The following CSMD3 variants were observed in gnomAD, a reference collection of about 807,000 sequenced individuals.
CSMD3 encodes the protein CUB and Sushi multiple domains 3, also known as CUB and sushi domain-containing protein 3.
Under a neutral mutation model 435.2 loss-of-function variants are expected in CSMD3, and 177 were observed. The ratio of observed to expected loss-of-function variants is 0.41; its 90% CI spans 0.36 to 0.46. CSMD3 has a LOEUF of 0.46. Ranked by LOEUF, CSMD3 falls within the 20% of genes least tolerant of loss-of-function variation. CSMD3 has a pLI of 0.34. For missense variants in CSMD3, 4,265 were observed against 4,504.6 expected, an observed-to-expected ratio of 0.95 and a Z score of 1.52; for synonymous variants, 1,656 against 1,520.5, an observed-to-expected ratio of 1.09 and a Z score of -2.07.
chr8:113,126,623 A>G (rs1337746458), intron 4 of CSMD3, among the ~76,000 whole-genome samples: 1 of 151,990 alleles, frequency 6.6e-6, no homozygotes, highest in African/African-American at 2.4e-5. Context: ...TCCAGGAAAT[A>G]GTATCGTAGA....
intron 4 of CSMD3, among the ~76,000 whole-genome samples, chr8:113,104,189 G>A (rs1407610350): frequency 6.6e-6 from 1 of 152,090 alleles, no homozygotes; most frequent in Non-Finnish European, 1.5e-5. Flanking sequence ...TCATCAAAGA[G>A]AAATGAACTG....
At chr8:112,509,135 GCT>G (rs1408788530) in intron 28 of CSMD3, among the ~76,000 whole-genome samples, 4 of 146,766 alleles carry the variant, frequency 2.7e-5, no homozygotes, top group Non-Finnish European at 4.5e-5. Flanking sequence ...GGCCCAGGCT[GCT>G]GGAGTGCAGT....
intron 10 of CSMD3, among the ~76,000 whole-genome samples, chr8:112,897,694 C>CTCTGTGTG (rs1277884675): frequency 1.1e-5 from 1 of 90,964 alleles, no homozygotes; most frequent in African/African-American, 4.4e-5. Flanking sequence ...CTCTCTCTCT[C>CTCTGTGTG]TGTGTGTGTG....
chr8:112,287,355 G>A, intron 57 of CSMD3, 109 bp from the exon 58 acceptor site: 2 of 932,160 alleles, frequency 2.1e-6, no homozygotes, highest in Non-Finnish European at 3.5e-6. Flanking sequence ...CGGTGTTTTA[G>A]CACAGATGGA....
intron 41 of CSMD3, among the ~76,000 whole-genome samples, chr8:112,344,810 TG>T (rs1407912592): frequency 6.6e-6 from 1 of 152,138 alleles, no homozygotes; most frequent in African/African-American, 2.4e-5. Context: ...ACATTAAAAT[TG>T]GGAAGGTATT....
At chr8:112,403,931 TG>T (rs1038127952) in intron 35 of CSMD3, among the ~76,000 whole-genome samples, 1 of 152,206 alleles carries the variant, frequency 6.6e-6, no homozygotes, top group Non-Finnish European at 1.5e-5. Context: ...AATTATTTTT[TG>T]TAAGTGTTCA....
At chr8:112,799,316 C>G (rs1275535401) in intron 13 of CSMD3, among the ~76,000 whole-genome samples, 1 of 151,678 alleles carries the variant, frequency 6.6e-6, no homozygotes, top group African/African-American at 2.4e-5. Flanking sequence ...AGAGAAAATT[C>G]TAATTGAAAA....
rs71309768 is a variant in CSMD3 at position 112,405,214 on chromosome 8, CATATATATATATATAT to C, written c.5809+1294_5809+1309del. On this transcript the variant is annotated intron_variant, in intron 35 of 70. Transcript: ENST00000297405. The stretch of plus-strand genomic sequence containing the variant: ...AAAAAAAAAAAAAAAAAAAAACCCC[CATATATATATATATAT>C]ATATATATATATATATACATATATA... 6.6e-3 allele frequency among the ~76,000 whole-genome samples: 125 copies of C among 19,064 alleles called. 3 individuals are homozygous for C. Among genetic ancestry groups the C allele is most frequent in the African/African-American group, 0.02 (72 of 3,586 alleles). The allele number at this position is 19,064 out of a possible 152,430, so 12.5% of individuals were successfully genotyped here.
intron 2 of CSMD3, among the ~76,000 whole-genome samples, chr8:113,282,036 A>G (rs2093616396): frequency 6.6e-6 from 1 of 151,928 alleles, no homozygotes; most frequent in Non-Finnish European, 1.5e-5. Flanking sequence ...GTTTCTGCTG[A>G]GAAATCTGCT....
At chr8:113,261,196 T>C (rs957000658) in intron 3 of CSMD3, among the ~76,000 whole-genome samples, 1 of 152,102 alleles carries the variant, frequency 6.6e-6, no homozygotes, top group Non-Finnish European at 1.5e-5. Context: ...GAATGAAACA[T>C]GGTATTTAAT....
intron 1 of CSMD3, among the ~76,000 whole-genome samples, chr8:113,323,142 C>T (rs532480880): frequency 6.6e-6 from 1 of 152,262 alleles, no homozygotes; most frequent in South Asian, 2.1e-4. Flanking sequence ...CTTTTTGAAG[C>T]CCTAATCACT....
rs965045265 is a variant in CSMD3 at position 112,653,870 on chromosome 8, G to A, written c.3004+2284C>T. Among the ~76,000 whole-genome samples the A allele has an allele frequency of 6.2e-4, 94 of 152,038 alleles. 1 individual carries two copies. Among genetic ancestry groups the A allele is most frequent in the Non-Finnish European group, 1.9e-4 (13 of 67,978 alleles). On this transcript the variant is annotated intron_variant, in intron 18 of 70. Coordinates refer to ENST00000297405, the MANE Select transcript of CSMD3 (RefSeq NM_198123.2). ...AGATGGGGTTTCACCATGTTGGTCA[G>A]GCTGGTCTTGAACTCCTGACCTCGT...
At chr8:112,371,566 C>G (rs1371351698) in intron 38 of CSMD3, among the ~76,000 whole-genome samples, 1 of 152,072 alleles carries the variant, frequency 6.6e-6, no homozygotes, top group African/African-American at 2.4e-5. Context: ...TGTTTTCTCT[C>G]TTACTACATC....
At chr8:112,457,685 A>G (rs773388615) in intron 32 of CSMD3, among the ~76,000 whole-genome samples, 2 of 152,140 alleles carry the variant, frequency 1.3e-5, no homozygotes, top group South Asian at 2.1e-4. Flanking sequence ...GGAAGAGGCT[A>G]AAATGAAGCA....
chr8:113,191,309 A>T (rs2092581520), intron 3 of CSMD3, among the ~76,000 whole-genome samples: 1 of 151,746 alleles, frequency 6.6e-6, no homozygotes, highest in Non-Finnish European at 1.5e-5. Context: ...ATTGTGTGAT[A>T]CTGCTGTTTG....
At chr8:112,645,049 A>C in intron 20 of CSMD3, 60 bp downstream of exon 20, 1 of 885,836 alleles carries the variant, frequency 1.1e-6, no homozygotes, top group Admixed American at 1.7e-5. Context: ...AAGTGAAATA[A>C]GAATAGACTC....
At chr8:113,362,405 T>C (rs2094283487) in intron 1 of CSMD3, among the ~76,000 whole-genome samples, 1 of 152,170 alleles carries the variant, frequency 6.6e-6, no homozygotes, top group Admixed American at 6.5e-5. Flanking sequence ...TATATTACAT[T>C]TGATCTTCAA....
At chr8:112,313,468 C>T (rs1822173448) in intron 49 of CSMD3, among the ~76,000 whole-genome samples, 1 of 152,034 alleles carries the variant, frequency 6.6e-6, no homozygotes. Flanking sequence ...TTAAATAGGT[C>T]AGATAACACA....
At chr8:113,280,514 C>T (rs1412513892) in intron 2 of CSMD3, among the ~76,000 whole-genome samples, 1 of 151,830 alleles carries the variant, frequency 6.6e-6, no homozygotes, top group African/African-American at 2.4e-5. Flanking sequence ...GTAATATCTC[C>T]TGTTTCATTT....
Sources: allele counts gnomAD v4.1 joint callset (sites outside exome capture counted in the v4.1 genomes callset), GRCh38; gene constraint gnomAD v4.1.1; transcripts MANE v1.5; gene names NCBI Gene and HGNC (gene_info 2026-07-23, HGNC 2026-07-21).